Variants in AGAP2 observed in about 807,000 individuals in gnomAD.
The protein encoded by AGAP2 is ArfGAP with GTPase domain, ankyrin repeat and PH domain 2.
AGAP2 carries 32 observed loss-of-function variants against 110.9 expected under a neutral mutation model. That is an observed-to-expected ratio of 0.29 (90% CI 0.22 to 0.39). The LOEUF (loss-of-function observed/expected upper bound fraction) is 0.39. Among genes scored for constraint, AGAP2 ranks in the 10% least tolerant of loss-of-function variants. AGAP2 has a pLI of 1.00. For missense variants in AGAP2, 1,285 were observed against 1,638.5 expected, an observed-to-expected ratio of 0.78 and a Z score of 3.72; for synonymous variants, 702 against 713.0, an observed-to-expected ratio of 0.98 and a Z score of 0.25.
At chr12:57,731,762 G>C in intron 8 of AGAP2, 47 bp downstream of exon 8, 1 of 1,563,672 alleles carries the variant, frequency 6.4e-7, no homozygotes, top group Admixed American at 1.9e-5. Context: ...AGATGGGCAG[G>C]TCATGGGGGA....
intron 2 of AGAP2, 88 bp from the exon 3 acceptor site, chr12:57,734,767 T>A: frequency 8.1e-7 from 1 of 1,238,712 alleles, no homozygotes; most frequent in Non-Finnish European, 1.2e-6. Context: ...CCCAGAGAGA[T>A]AAGTCATCCA....
At chr12:57,733,544 C>T (rs1045054012) in intron 5 of AGAP2, among the ~76,000 whole-genome samples, 19 of 152,192 alleles carry the variant, frequency 1.2e-4, no homozygotes, top group African/African-American at 4.3e-4. Context: ...CTCTGAGTCA[C>T]TTCTCTGAGA....
intron 16 of AGAP2, 37 bp downstream of exon 16, chr12:57,727,644 A>G (rs1256480560): frequency 6.3e-7 from 1 of 1,591,596 alleles, no homozygotes; most frequent in Non-Finnish European, 8.5e-7. Context: ...GGCATTCACT[A>G]CACTCCCTAG....
At chr12:57,728,654 G>GT (rs1954822374) in intron 13 of AGAP2, among the ~76,000 whole-genome samples, 1 of 152,220 alleles carries the variant, frequency 6.6e-6, no homozygotes, top group African/African-American at 2.4e-5. Flanking sequence ...GCAGGGATGG[G>GT]TTATCAAGAC....
chr12:57,730,127 T>A (rs1384421755), intron 12 of AGAP2, among the ~76,000 whole-genome samples: 1 of 151,978 alleles, frequency 6.6e-6, no homozygotes, highest in African/African-American at 2.4e-5. Context: ...TATATATATT[T>A]TTTTTCAAAC....
upstream of AGAP2, among the ~76,000 whole-genome samples, chr12:57,741,108 G>A (rs998459364): frequency 6.6e-6 from 1 of 152,214 alleles, no homozygotes; most frequent in Non-Finnish European, 1.5e-5. Flanking sequence ...ACAACCTCCA[G>A]TTCCACCAGT....
intron 11 of AGAP2, 72 bp downstream of exon 11, chr12:57,730,719 C>T (rs1954869021): frequency 2.5e-6 from 4 of 1,609,228 alleles, no homozygotes; most frequent in Admixed American, 3.4e-5. Flanking sequence ...TGCCAGCCCC[C>T]TCTTCCCTCT....
chr12:57,735,689 AG>A (rs556807791), intron 1 of AGAP2, among the ~76,000 whole-genome samples: 467 of 152,316 alleles, frequency 3.1e-3, no homozygotes, highest in Non-Finnish European at 5.0e-3. Flanking sequence ...TCTCCCTTAA[AG>A]CACATCCCCA....
rs779051574 is a variant in AGAP2, at chr12:57,737,302, AGGCCCG to A, written c.939_944del (p.Gly314_Pro315del). 6.2e-7 allele frequency: 1 copy of A among 1,613,730 alleles called. No homozygotes were observed. Among genetic ancestry groups the A allele is most frequent in the African/African-American group, 1.3e-5 (1 of 75,056 alleles). ...GAGGCTCCAGAGTGATTGGAGGTGC[AGGCCCG>A]GGGGGCTGCGCGGAAGCAGCGGTGA... On this transcript the variant is annotated inframe_deletion, in exon 1 of 19. Coordinates refer to ENST00000547588, the MANE Select transcript of AGAP2 (RefSeq NM_001122772.3). The surrounding 1 kb of genome is among the most constrained non-coding windows in gnomAD (Gnocchi z 5.9).
intron 4 of AGAP2, 44 bp from the exon 5 acceptor site, chr12:57,734,217 C>G: frequency 6.2e-7 from 1 of 1,607,516 alleles, no homozygotes; most frequent in Non-Finnish European, 8.5e-7. Context: ...GACAGGTCTA[C>G]TCCTCTGGAC....
chr12:57,729,312 C>T (rs569167869), intron 13 of AGAP2, among the ~76,000 whole-genome samples: 2 of 150,630 alleles, frequency 1.3e-5, no homozygotes, highest in African/African-American at 2.4e-5. Context: ...TGGGGATCAG[C>T]GGGGCTGCCG....
Position 57,726,777 on chromosome 12 carries a change from C to G in AGAP2, c.3354G>C (p.Ala1118=), listed in dbSNP as rs961064742. 15 of 1,363,904 alleles carry G rather than the reference C, an allele frequency of 1.1e-5. No homozygotes were observed. In the African/African-American group the frequency reaches 2.2e-4, roughly 20 times the overall value. 84.5% of individuals were successfully genotyped at this position (1,363,904 alleles called of 1,614,324 possible). A position where few individuals can be genotyped will look rare whatever the true frequency, so the allele number is the denominator to read the frequency against. ...QLLLWYGADV[A]ARDAQGRTAL... ...CCGTGCGGCCCTGGGCGTCACGGGC[C>G]GCCACGTCCGCGCCGTACTAGAGGG... The change falls in exon 19 of 19, where the codon GCG becomes GCC. Residue 1118 remains alanine, a synonymous_variant. Coordinates refer to ENST00000547588, the MANE Select transcript of AGAP2 (RefSeq NM_001122772.3). This position sits in a 1 kb window ranked among gnomAD's most constrained non-coding sequence, Gnocchi z 5.7.
chr12:57,734,867 G>C (rs1343312694), intron 2 of AGAP2, among the ~76,000 whole-genome samples, 188 bp from the exon 3 acceptor site: 1 of 152,046 alleles, frequency 6.6e-6, no homozygotes, highest in African/African-American at 2.4e-5. Context: ...GCAGTTGGGA[G>C]GATCAGGGCA....
In AGAP2 at chr12:57,730,627, G is replaced by T; in HGVS notation, c.2309-13C>A. ...GGAGTAGTGGCTTCTGTCGGAAGAAGATGAAACCTCAGTGAGCCTCTTTCT... is the reference window on the plus strand; with the variant it reads ...GGAGTAGTGGCTTCTGTCGGAAGAATATGAAACCTCAGTGAGCCTCTTTCT... On this transcript the variant is annotated splice_polypyrimidine_tract_variant and intron_variant, in intron 11 of 18. Coordinates refer to ENST00000547588, the MANE Select transcript of AGAP2 (RefSeq NM_001122772.3). 6.2e-7 allele frequency: 1 copy of T among 1,611,088 alleles called. No homozygotes were observed. The highest frequency in any genetic ancestry group is 8.5e-7 in the Non-Finnish European group (1 of 1,178,480).
chr12:57,735,767 AAAG>A (rs1954969953), intron 1 of AGAP2, among the ~76,000 whole-genome samples: 1 of 152,208 alleles, frequency 6.6e-6, no homozygotes, highest in Non-Finnish European at 1.5e-5. Context: ...CCCTCTGGAA[AAAG>A]AATAGAAGAG....
Position 57,731,479 on chromosome 12 carries a change from A to G in AGAP2, c.2041-9T>C, listed in dbSNP as rs1339629621. ...CGTTTTAGTAGGAAGCTCTGGAGAA[A>G]GGGGAAAGACACATGTGGGAAAAAA... On this transcript the variant is annotated splice_polypyrimidine_tract_variant and intron_variant, in intron 9 of 18. Coordinates refer to ENST00000547588, the MANE Select transcript of AGAP2 (RefSeq NM_001122772.3). 15 of 1,613,914 alleles carry G rather than the reference A, an allele frequency of 9.3e-6. No homozygotes were observed. Among genetic ancestry groups the G allele is most frequent in the Admixed American group, 1.7e-5 (1 of 59,992 alleles).
At chr12:57,732,068 C>G (rs1954897422) in intron 7 of AGAP2, 101 bp from the exon 8 acceptor site, 1 of 1,320,454 alleles carries the variant, frequency 7.6e-7, no homozygotes, top group African/African-American at 1.5e-5. Flanking sequence ...CCTTGATCAC[C>G]TCACCATTTA....
chr12:57,732,431 G>A lies in AGAP2; in HGVS notation c.1766C>T (p.Ser589Leu), dbSNP rs774373858. ...CKSLPSSPSH[S>L]AASTPVAGQA... ...GCCAGCTACCGGAGTGGATGCAGCTGAGTGGCTTGGGGAGCTGGGCAGGGA... is the reference window on the plus strand; with the variant it reads ...GCCAGCTACCGGAGTGGATGCAGCTAAGTGGCTTGGGGAGCTGGGCAGGGA... The change falls in exon 7 of 19, where the codon TCA (serine) becomes TTA (leucine). Residue 589 changes from serine (S) to leucine (L), a missense_variant. Around this residue, in one of 7 missense-constraint regions of AGAP2, gnomAD observed 844 missense variants for 941.2 expected, o/e 0.90. Transcript: ENST00000547588. The A allele has an allele frequency of 3.1e-6, 5 of 1,606,126 alleles. No individual in the cohort carries two copies. The African/African-American group carries it at 5.3e-5, about 17-fold the overall frequency.
In AGAP2 at chr12:57,738,411, C is replaced by T. The variant is rs1955032719; in HGVS notation, c.-165G>A. 3 of 721,960 alleles carry T rather than the reference C, an allele frequency of 4.2e-6. No homozygotes were observed. Among genetic ancestry groups the T allele is most frequent in the African/African-American group, 1.9e-5 (1 of 52,100 alleles). The allele number at this position is 721,960 out of a possible 1,614,324, so 44.7% of individuals were successfully genotyped here. On this transcript the variant is annotated 5_prime_UTR_variant, in exon 1 of 19. Transcript: ENST00000547588. The surrounding 1 kb of genome is among the most constrained non-coding windows in gnomAD (Gnocchi z 6.7). ...GCCGCCTCCGCCGCCTCCGCTTGCG[C>T]CCCCCTCCCATCACATGGGGCGCCC...
Sources: gnomAD v4.1 joint callset for allele counts (sites outside exome capture counted in the v4.1 genomes callset) on GRCh38, gnomAD v4.1.1 for gene constraint, gnomAD v4.1.1 regional missense constraint, Gnocchi (gnomAD v3.1) non-coding constraint, MANE v1.5 for transcripts, NCBI Gene and HGNC (gene_info 2026-07-23, HGNC 2026-07-21) for gene names.